Variants in HMOX1 observed in about 807,000 individuals in gnomAD.
HMOX1 encodes the protein heme oxygenase 1.
A neutral mutation model predicts 27.8 loss-of-function variants in HMOX1; 22 were observed. The ratio of observed to expected loss-of-function variants is 0.79; its 90% CI spans 0.57 to 1.13. HMOX1 has a LOEUF of 1.13. Among genes scored for constraint, HMOX1 ranks in the 50% most tolerant of loss-of-function variants. The probability of loss-of-function intolerance (pLI) is 0.00; values close to 1 mark genes in which losing one functional copy is unlikely to be tolerated. For missense variants in HMOX1, 379 were observed against 377.7 expected, an observed-to-expected ratio of 1.00 and a Z score of -0.03; for synonymous variants, 153 against 151.6, an observed-to-expected ratio of 1.01 and a Z score of -0.07.
At chr22:35,389,250 T>TTTCTTTCTTTTC (rs1555901550) in intron 3 of HMOX1, among the ~76,000 whole-genome samples, 18 of 107,856 alleles carry the variant, frequency 1.7e-4, no homozygotes, top group African/African-American at 7.8e-4. Flanking sequence ...TTTCTTTCTT[T>TTTCTTTCTTTTC]TCTCTCTCTC....
chr22:35,384,182 AGCGATT>A (rs1399045316), intron 2 of HMOX1, among the ~76,000 whole-genome samples: 2 of 151,952 alleles, frequency 1.3e-5, no homozygotes. Context: ...CCTAAGTTCA[AGCGATT>A]CTCCTGCCTC....
intron 1 of HMOX1, among the ~76,000 whole-genome samples, chr22:35,382,314 ATTTGTTT>A (rs895769848): frequency 6.7e-5 from 10 of 150,032 alleles, no homozygotes; most frequent in Admixed American, 2.0e-4. Flanking sequence ...CCCAGCCTGA[ATTTGTTT>A]TTTGTTTTTT....
intron 3 of HMOX1, among the ~76,000 whole-genome samples, chr22:35,389,391 C>T (rs5755716): frequency 0.099 from 4,925 of 49,542 alleles, 355 homozygotes; most frequent in South Asian, 0.18. Flanking sequence ...TTCCTTCCTT[C>T]CTTCCTTTCT....
At chr22:35,390,454 C>A (rs983865501) in intron 4 of HMOX1, among the ~76,000 whole-genome samples, 6 of 152,070 alleles carry the variant, frequency 3.9e-5, no homozygotes, top group African/African-American at 1.4e-4. Context: ...GTCTCGAACT[C>A]CTGACCTCAG....
intron 4 of HMOX1, 32 bp downstream of exon 4, chr22:35,389,995 G>C: frequency 7.1e-7 from 1 of 1,417,990 alleles, no homozygotes; most frequent in Non-Finnish European, 9.9e-7. Flanking sequence ...CACTTCCTCT[G>C]GGCTACACAT....
intron 4 of HMOX1, 62 bp downstream of exon 4, chr22:35,390,025 A>AATGAAT: frequency 9.2e-7 from 1 of 1,088,078 alleles, no homozygotes; most frequent in Non-Finnish European, 1.4e-6. Context: ...TGGCTGTCTG[A>AATGAAT]CTGTAGTATC....
chr22:35,381,476 T>A (rs1371507698), intron 1 of HMOX1: 1 of 532,206 alleles, frequency 1.9e-6, no homozygotes, highest in Non-Finnish European at 3.3e-6. Flanking sequence ...ATTTTTTTTT[T>A]AATCCTACTT....
In HMOX1 at chr22:35,383,121, G is replaced by C. The variant is rs1428247265; in HGVS notation, c.39G>C (p.Leu13Phe). ...RPQPDSMPQDLSEALKEATKE... is the reference protein window; with the variant it reads ...RPQPDSMPQDFSEALKEATKE... ...TCCTCCTCAGCATGCCCCAGGATTT[G>C]TCAGAGGCCCTGAAGGAGGCCACCA... Residue 13 changes from leucine (L) to phenylalanine (F), a missense_variant, in exon 2 of 5, where the codon TTG (leucine) becomes TTC (phenylalanine). Coordinates refer to ENST00000216117, the MANE Select transcript of HMOX1 (RefSeq NM_002133.3). 15 of 1,613,590 alleles carry C rather than the reference G, an allele frequency of 9.3e-6. No individual in the cohort carries two copies. Among genetic ancestry groups the C allele is most frequent in the African/African-American group, 1.3e-5 (1 of 74,912 alleles).
At chr22:35,389,424 CTTTCTATCTTTCTTTCTTTCTTTCTTTT>C (rs1569057732) in intron 3 of HMOX1, among the ~76,000 whole-genome samples, 1 of 77,210 alleles carries the variant, frequency 1.3e-5, no homozygotes, top group African/African-American at 6.8e-5. Flanking sequence ...TTCTTTCTTT[CTTTCTATCTTTCTTTCTTTCTTTCTTTT>C]CTTTCTTTCT....
chr22:35,389,343 C>CTTT (rs1569057426), intron 3 of HMOX1, among the ~76,000 whole-genome samples: 11 of 30,270 alleles, frequency 3.6e-4, no homozygotes, highest in Non-Finnish European at 5.0e-4. Context: ...TCTTTCTTCT[C>CTTT]CTTCCTTCCT....
intron 2 of HMOX1, 119 bp from the exon 3 acceptor site, chr22:35,386,566 G>A: frequency 8.0e-7 from 1 of 1,254,288 alleles, no homozygotes; most frequent in Non-Finnish European, 1.1e-6. Context: ...GGTGGCAGAA[G>A]GAGTCAGAGC....
intron 1 of HMOX1, 152 bp from the exon 2 acceptor site, chr22:35,382,954 A>C: frequency 9.1e-7 from 1 of 1,104,482 alleles, no homozygotes. Flanking sequence ...CACCGTGCCC[A>C]GCCACAAGGC....
rs778536840 is a variant in HMOX1, at chr22:35,393,473, G to A, written c.742G>A (p.Ala248Thr). 2 of 1,614,144 alleles carry A rather than the reference G, an allele frequency of 1.2e-6. No individual in the cohort carries two copies. Among genetic ancestry groups the A allele is most frequent in the South Asian group, 1.1e-5 (1 of 91,084 alleles). ...QRASNKVQDSAPVETPRGKPP... is the reference protein window; with the variant it reads ...QRASNKVQDSTPVETPRGKPP... ...TGCCCCATTTTCTCTTTCAGATTCT[G>A]CCCCCGTGGAGACTCCCAGAGGGAA... Residue 248 changes from alanine (A) to threonine (T), a missense_variant, in exon 5 of 5, where the codon GCC (alanine) becomes ACC (threonine). Coordinates refer to ENST00000216117, the MANE Select transcript of HMOX1 (RefSeq NM_002133.3).
intron 4 of HMOX1, 46 bp downstream of exon 4, chr22:35,390,009 G>A (rs747729064): frequency 3.1e-6 from 4 of 1,286,394 alleles, no homozygotes; most frequent in African/African-American, 1.5e-5. Context: ...TACACATGGA[G>A]GGACTTGGCT....
chr22:35,393,661 A>G lies in HMOX1; in HGVS notation c.*63A>G. 6.2e-7 allele frequency: 1 copy of G among 1,606,516 alleles called. No homozygotes were observed. The highest frequency in any genetic ancestry group is 1.7e-5 in the Admixed American group (1 of 59,966). On this transcript the variant is annotated 3_prime_UTR_variant, in exon 5 of 5. Coordinates refer to ENST00000216117, the MANE Select transcript of HMOX1 (RefSeq NM_002133.3). ...CCGGTGGAAGGCCTTCTTTCTAGAGAGGGAATTCTCTTGGCTGGCTTCCTT... is the reference window on the plus strand; with the variant it reads ...CCGGTGGAAGGCCTTCTTTCTAGAGGGGGAATTCTCTTGGCTGGCTTCCTT...
In HMOX1 at chr22:35,389,256, C is replaced by CTTT. The variant is rs1231788046; in HGVS notation, c.637-607_637-606insTTT. Among the ~76,000 whole-genome samples, 344 of 104,892 alleles carry CTTT rather than the reference C, an allele frequency of 3.3e-3. 11 individuals are homozygous for CTTT. The highest frequency in any genetic ancestry group is 4.6e-3 in the South Asian group (15 of 3,254). 68.8% of individuals were successfully genotyped at this position (104,892 alleles called of 152,430 possible). ...TTCTTTCTTTTTCTTTCTTTTCTCT[C>CTTT]TCTCTCTCTCTCTCTCTCCTCTCTC... On this transcript the variant is annotated intron_variant, in intron 3 of 4. Coordinates refer to ENST00000216117, the MANE Select transcript of HMOX1 (RefSeq NM_002133.3).
intron 3 of HMOX1, among the ~76,000 whole-genome samples, chr22:35,388,205 C>G (rs577493425): frequency 3.9e-4 from 60 of 152,312 alleles, no homozygotes; most frequent in African/African-American, 1.4e-3. Context: ...AATACCAACA[C>G]TTTGGGAGGC....
In HMOX1 at chr22:35,386,974, A is replaced by C. The variant is rs1481150465; in HGVS notation, c.434A>C (p.Gln145Pro). 6.2e-7 allele frequency: 1 copy of C among 1,614,030 alleles called. No individual in the cohort carries two copies. Among genetic ancestry groups the C allele is most frequent in the Admixed American group, 1.7e-5 (1 of 60,036 alleles). Residue 145 changes from glutamine to proline, a missense_variant, in exon 3 of 5, where the codon CAG (glutamine) becomes CCG (proline). Gln to Pro is a moderately conservative substitution (Grantham distance 76, BLOSUM62 -1). Transcript: ENST00000216117. ...TRYLGDLSGG[Q>P]VLKKIAQKAL... is the part of the protein sequence containing the mutation. ...TACCTGGGTGACCTGTCTGGGGGCC[A>C]GGTGCTCAAAAAGATTGCCCAGAAA...
At chr22:35,387,669 A>G (rs1931543248) in intron 3 of HMOX1, among the ~76,000 whole-genome samples, 1 of 152,140 alleles carries the variant, frequency 6.6e-6, no homozygotes, top group Admixed American at 6.5e-5. Flanking sequence ...TCTCAAATCC[A>G]GGGGGAAGGT....
Sources: gnomAD v4.1 joint callset for allele counts (sites outside exome capture counted in the v4.1 genomes callset) on GRCh38, gnomAD v4.1.1 for gene constraint, MANE v1.5 for transcripts, NCBI Gene and HGNC (gene_info 2026-07-23, HGNC 2026-07-21) for gene names.